MACF1: variants seen among roughly 807,000 people sequenced by gnomAD.
The protein encoded by MACF1 is microtubule-actin cross-linking factor 1.
MACF1 carries 193 observed loss-of-function variants against 854.8 expected under a neutral mutation model. That is an observed-to-expected ratio of 0.23 (90% CI 0.20 to 0.25). The LOEUF (loss-of-function observed/expected upper bound fraction) is 0.25, where lower values mean the gene tolerates loss of function less well. Among genes scored for constraint, MACF1 ranks in the 10% least tolerant of loss-of-function variants. MACF1 has a pLI of 1.00. For missense variants in MACF1, 7,722 were observed against 8,929.1 expected (o/e 0.86, Z 5.45); for synonymous variants, 3,185 against 3,226.7 (o/e 0.99, Z 0.44).
rs1307065903 is a variant in MACF1 at position 39,463,685 on chromosome 1, G to A, written c.21752G>A (p.Arg7251Gln). 1.9e-6 allele frequency: 3 copies of A among 1,611,792 alleles called. No homozygotes were observed. The highest frequency in any genetic ancestry group is 2.5e-6 in the Non-Finnish European group (3 of 1,178,480). The change falls in exon 94 of 101, where the codon CGG becomes CAG. Residue 7251 changes from arginine to glutamine, a missense_variant and splice_region_variant. This residue lies in a region of MACF1 where 153 missense variants were observed against 342.5 expected (regional missense o/e 0.45). Transcript: ENST00000564288. ...QVEQIGENKY[R>Q]FFLGNQFGDS... Reference sequence around the variant, plus strand: ...GAGCAGATCGGAGAGAATAAATACCGGGTAAGGAAGAGAAAAAGCAGTCCT... The same window carrying A: ...GAGCAGATCGGAGAGAATAAATACCAGGTAAGGAAGAGAAAAAGCAGTCCT...
intron 5 of MACF1, among the ~76,000 whole-genome samples, chr1:39,255,485 G>A (rs1332078647): frequency 6.6e-6 from 1 of 152,088 alleles, no homozygotes; most frequent in Non-Finnish European, 1.5e-5. Context: ...GACATTAAAT[G>A]GTATGCATAT....
chr1:39,149,065 T>C (rs1200640445), intron 2 of MACF1, among the ~76,000 whole-genome samples: 1 of 152,234 alleles, frequency 6.6e-6, no homozygotes, highest in Non-Finnish European at 1.5e-5. Flanking sequence ...GAGGCTGTTC[T>C]AACAATCCAG....
intron 2 of MACF1, among the ~76,000 whole-genome samples, chr1:39,176,450 T>C (rs1409269568): frequency 3.3e-5 from 5 of 152,194 alleles, no homozygotes; most frequent in Non-Finnish European, 5.9e-5. Flanking sequence ...AGACTTCTAA[T>C]AGTCCTCTTC....
rs777119888 is a variant in MACF1, at chr1:39,440,997, A to G, written c.18448-6A>G. 4.3e-6 allele frequency: 7 copies of G among 1,614,160 alleles called. No individual in the cohort carries two copies. Among genetic ancestry groups the G allele is most frequent in the Admixed American group, 1.7e-5 (1 of 60,014 alleles). On this transcript the variant is annotated splice_region_variant and splice_polypyrimidine_tract_variant and intron_variant, in intron 72 of 100. Coordinates refer to ENST00000564288, the MANE Select transcript of MACF1 (RefSeq NM_001394062.1). ...TTTGGCTTATATTCTATTCGTTTAC[A>G]TGTAGACTATTAAGGAAGAGACAGA...
In MACF1 at chr1:39,336,400, T is replaced by G. The variant is rs745951160; in HGVS notation, c.9812T>G (p.Leu3271Arg). Residue 3271 changes from leucine to arginine, a missense_variant, in exon 37 of 101, where the codon CTT (leucine) becomes CGT (arginine). Physicochemically the swap from Leu to Arg is moderately radical, Grantham distance 102. Coordinates refer to ENST00000564288, the MANE Select transcript of MACF1 (RefSeq NM_001394062.1). ...GGTTCCAGAGTCTTGGGATCCTTTC[T>G]TCCAGAGAAACTGTTCAAAGGAGTG... ...QRGSRVLGSF[L>R]PEKLFKGVSQ... 15 of 1,614,212 alleles carry G rather than the reference T, an allele frequency of 9.3e-6. No individual in the cohort carries two copies. The Admixed American group carries it at 2.3e-4, about 25-fold the overall frequency.
At chr1:39,219,495 A>G (rs1385179097) in intron 1 of MACF1, among the ~76,000 whole-genome samples, 4 of 152,228 alleles carry the variant, frequency 2.6e-5, no homozygotes, top group African/African-American at 9.6e-5. Flanking sequence ...CACAATAAAT[A>G]TCGAGCTCCA....
At chr1:39,180,537 A>G (rs554660609) in intron 2 of MACF1, among the ~76,000 whole-genome samples, 1 of 152,298 alleles carries the variant, frequency 6.6e-6, no homozygotes, top group Admixed American at 6.5e-5. Flanking sequence ...AATCGCTTGA[A>G]TCTGGGAGGC....
chr1:39,169,760 T>C (rs1224104179), intron 2 of MACF1, among the ~76,000 whole-genome samples: 2 of 135,418 alleles, frequency 1.5e-5, no homozygotes, highest in African/African-American at 5.5e-5. Flanking sequence ...CCTTGCCCTT[T>C]CTTTCTTTCT....
intron 50 of MACF1, among the ~76,000 whole-genome samples, chr1:39,369,150 T>A (rs1649009614): frequency 1.3e-5 from 2 of 152,078 alleles, no homozygotes; most frequent in Admixed American, 1.3e-4. Context: ...CCTGCTTGTT[T>A]TGACCACATT....
At chr1:39,452,582 T>A (rs1644360154) in intron 86 of MACF1, 102 bp from the exon 87 acceptor site, 1 of 1,476,220 alleles carries the variant, frequency 6.8e-7, no homozygotes, top group African/African-American at 1.4e-5. Flanking sequence ...GATGAGGCCA[T>A]GAAATGTCTG....
Position 39,310,293 on chromosome 1 carries a change from C to G in MACF1, c.2965C>G (p.Gln989Glu). The change falls in exon 25 of 101, where the codon CAG (glutamine) becomes GAG (glutamate). Residue 989 changes from glutamine to glutamate, a missense_variant. Physicochemically the swap from Gln to Glu is conservative, Grantham distance 29. Coordinates refer to ENST00000564288, the MANE Select transcript of MACF1 (RefSeq NM_001394062.1). Reference protein sequence around the residue: ...GECHQIMKNLQAHYEDFLQDS... With the variant: ...GECHQIMKNLEAHYEDFLQDS... ...GTGCCATCAGATTATGAAGAACCTTCAGGCCCACTATGAAGACTTTCTGCA... is the reference window on the plus strand; with the variant it reads ...GTGCCATCAGATTATGAAGAACCTTGAGGCCCACTATGAAGACTTTCTGCA... 6.2e-7 allele frequency: 1 copy of G among 1,614,134 alleles called. No individual in the cohort carries two copies. Among genetic ancestry groups the G allele is most frequent in the Non-Finnish European group, 8.5e-7 (1 of 1,180,008 alleles).
intron 2 of MACF1, among the ~76,000 whole-genome samples, chr1:39,184,433 A>G (rs988853786): frequency 3.3e-5 from 5 of 151,934 alleles, no homozygotes; most frequent in Admixed American, 3.3e-4. Context: ...AGATCTCAGA[A>G]TTTTTTACCT....
intron 33 of MACF1, among the ~76,000 whole-genome samples, chr1:39,323,897 A>G (rs939355978): frequency 9.8e-5 from 15 of 152,318 alleles, no homozygotes; most frequent in African/African-American, 3.6e-4. Flanking sequence ...GTAAGATGCT[A>G]TATGTGAAGA....
intron 2 of MACF1, among the ~76,000 whole-genome samples, chr1:39,134,013 T>C (rs532366479): frequency 6.6e-6 from 1 of 150,670 alleles, no homozygotes; most frequent in Non-Finnish European, 1.5e-5. Context: ...AGTTCTTAGA[T>C]ATTATCATCA....
chr1:39,360,719 A>ATTAT lies in MACF1; in HGVS notation c.12245-71_12245-70insTTTA, dbSNP rs10632223. 0.31 allele frequency: 137,262 copies of ATTAT among 439,364 alleles called. 25,724 individuals carry two copies. Among genetic ancestry groups the ATTAT allele is most frequent in the African/African-American group, 0.64 (29,756 of 46,694 alleles). The allele number at this position is 439,364 out of a possible 1,614,324, so 27.2% of individuals were successfully genotyped here. On this transcript the variant is annotated intron_variant, in intron 47 of 100. Transcript: ENST00000564288. ...TTTTTATTATTTATTATTTAATAAT[A>ATTAT]TTAATAATAAAGTCTTTAAAAGCAT...
chr1:39,427,693 C>A, intron 62 of MACF1, 79 bp downstream of exon 62: 2 of 1,401,780 alleles, frequency 1.4e-6, no homozygotes, highest in South Asian at 1.3e-5. Context: ...CTGCAGCATT[C>A]TAGAGGATGT....
chr1:39,474,717 ATGTT>A (rs1363057928), intron 97 of MACF1, among the ~76,000 whole-genome samples: 1 of 152,080 alleles, frequency 6.6e-6, no homozygotes, highest in Admixed American at 6.5e-5. Context: ...ATAAAAATAA[ATGTT>A]TGTGTGTGTG....
chr1:39,110,782 A>G (rs1043945484), intron 2 of MACF1, among the ~76,000 whole-genome samples: 1 of 152,188 alleles, frequency 6.6e-6, no homozygotes, highest in Non-Finnish European at 1.5e-5. Context: ...TTGTTGGCAA[A>G]TGACGTAATA....
chr1:39,290,541 A>G (rs533383554), intron 15 of MACF1, among the ~76,000 whole-genome samples: 1 of 143,734 alleles, frequency 7.0e-6, no homozygotes, highest in Admixed American at 6.9e-5. Flanking sequence ...TATAAATTTT[A>G]GAATTTTTTT....
Sources: gnomAD v4.1 joint callset for allele counts (sites outside exome capture counted in the v4.1 genomes callset) on GRCh38, gnomAD v4.1.1 for gene constraint, gnomAD v4.1.1 regional missense constraint, MANE v1.5 for transcripts, NCBI Gene and HGNC (gene_info 2026-07-23, HGNC 2026-07-21) for gene names.